Variants in ARL13B observed in about 807,000 individuals in gnomAD.
ARL13B encodes the protein ARF like GTPase 13B.
Under a neutral mutation model 56.1 loss-of-function variants are expected in ARL13B, and 36 were observed. The observed-to-expected ratio is 0.64, with a 90% CI of 0.49 to 0.85. The LOEUF is 0.85. Among genes scored for constraint, ARL13B ranks in the 40% least tolerant of loss-of-function variants. The pLI is 0.00. For synonymous variants in ARL13B, 178 were observed against 171.1 expected, an observed-to-expected ratio of 1.04 and a Z score of -0.32; for missense variants, 519 against 507.1, an observed-to-expected ratio of 1.02 and a Z score of -0.23.
chr3:94,024,981 G>T (rs1322336801), intron 3 of ARL13B, among the ~76,000 whole-genome samples: 1 of 152,068 alleles, frequency 6.6e-6, no homozygotes, highest in Non-Finnish European at 1.5e-5. Context: ...ATTTCAAATT[G>T]CTATTGGAGC....
chr3:94,005,827 GAT>G (rs2076124536), intron 3 of ARL13B, among the ~76,000 whole-genome samples: 1 of 152,142 alleles, frequency 6.6e-6, no homozygotes, highest in Admixed American at 6.5e-5. Context: ...AAATTTCAAA[GAT>G]AGAGGGAAAG....
intron 6 of ARL13B, among the ~76,000 whole-genome samples, chr3:94,040,542 G>T (rs1413211003): frequency 6.6e-6 from 1 of 152,122 alleles, no homozygotes; most frequent in African/African-American, 2.4e-5. Context: ...GGGGTTGTGT[G>T]TGTGCGCGTC....
intron 1 of ARL13B, among the ~76,000 whole-genome samples, chr3:93,990,875 T>G (rs1007587241): frequency 4.6e-5 from 7 of 152,312 alleles, no homozygotes; most frequent in African/African-American, 1.7e-4. Flanking sequence ...TTGACTAACT[T>G]CTCACTTTAA....
At chr3:94,052,056 TTTA>T (rs954980231) in intron 9 of ARL13B, among the ~76,000 whole-genome samples, 25 of 152,098 alleles carry the variant, frequency 1.6e-4, no homozygotes, top group African/African-American at 6.0e-4. Flanking sequence ...CTACAGTAGA[TTTA>T]TTTCTTTATT....
chr3:93,997,063 T>G (rs1210956621), intron 2 of ARL13B, among the ~76,000 whole-genome samples: 4 of 151,690 alleles, frequency 2.6e-5, no homozygotes, highest in Admixed American at 2.6e-4. Flanking sequence ...TGTCACTGCC[T>G]CCCATCACCC....
chr3:94,050,785 G>A (rs756855876), intron 8 of ARL13B, 39 bp from the exon 9 acceptor site: 3 of 1,574,024 alleles, frequency 1.9e-6, no homozygotes, highest in Non-Finnish European at 8.7e-7. Flanking sequence ...AAGAAACCTT[G>A]TTTAACAGTG....
At chr3:94,006,098 G>A (rs973348729) in intron 3 of ARL13B, among the ~76,000 whole-genome samples, 2 of 151,956 alleles carry the variant, frequency 1.3e-5, no homozygotes, top group African/African-American at 4.8e-5. Context: ...CAGGAGGATC[G>A]AGACCATCCT....
At chr3:94,042,863 T>G in intron 6 of ARL13B, 152 bp from the exon 7 acceptor site, 1 of 645,658 alleles carries the variant, frequency 1.5e-6, no homozygotes, top group Non-Finnish European at 2.6e-6. Context: ...TAGCATCTTT[T>G]AATGATGTAT....
chr3:94,050,907 T>C lies in ARL13B; in HGVS notation c.1210+15T>C, dbSNP rs2077056416. The C allele has an allele frequency of 1.2e-6, 2 of 1,611,158 alleles. No homozygotes were observed. Among genetic ancestry groups the C allele is most frequent in the Non-Finnish European group, 8.5e-7 (1 of 1,178,090 alleles). On this transcript the variant is annotated intron_variant, in intron 9 of 9. Coordinates refer to ENST00000394222, the MANE Select transcript of ARL13B (RefSeq NM_001174150.2). Reference sequence around the variant, plus strand: ...ACATCATAATGGTAATGCAAAAGGATTGGTTTTCAGATATCATCTGTACAT... The same window carrying C: ...ACATCATAATGGTAATGCAAAAGGACTGGTTTTCAGATATCATCTGTACAT...
intron 3 of ARL13B, among the ~76,000 whole-genome samples, chr3:94,025,159 C>A (rs1258853297): frequency 6.6e-6 from 1 of 151,234 alleles, no homozygotes; most frequent in South Asian, 2.1e-4. Flanking sequence ...TGAACATGCA[C>A]CACACTTTTA....
chr3:94,000,393 A>G (rs1428521423), intron 2 of ARL13B, among the ~76,000 whole-genome samples: 3 of 150,948 alleles, frequency 2.0e-5, no homozygotes, highest in African/African-American at 7.4e-5. Context: ...AGCCTAGGTA[A>G]AAAAAAATCT....
intron 1 of ARL13B, among the ~76,000 whole-genome samples, chr3:93,983,945 T>C (rs1469310775): frequency 6.6e-6 from 1 of 152,238 alleles, no homozygotes; most frequent in African/African-American, 2.4e-5. Context: ...TAATTACTAA[T>C]AGCCTCCTGT....
chr3:94,046,116 G>A (rs904475867), intron 7 of ARL13B, among the ~76,000 whole-genome samples: 4 of 151,712 alleles, frequency 2.6e-5, no homozygotes, highest in Admixed American at 6.6e-5. Context: ...GTTTCATTGA[G>A]GTATAATTGA....
At chr3:94,016,199 T>C (rs1390564818) in intron 3 of ARL13B, among the ~76,000 whole-genome samples, 1 of 152,098 alleles carries the variant, frequency 6.6e-6, no homozygotes, top group Non-Finnish European at 1.5e-5. Flanking sequence ...AGCAACTTGA[T>C]TTTAGAAATG....
intron 3 of ARL13B, among the ~76,000 whole-genome samples, chr3:94,008,390 G>A (rs1023981586): frequency 2.6e-5 from 4 of 152,078 alleles, no homozygotes; most frequent in African/African-American, 9.7e-5. Context: ...AAACTAGGTA[G>A]TCTTGACAAA....
At chr3:94,002,135 A>C (rs183488385) in intron 2 of ARL13B, among the ~76,000 whole-genome samples, 1 of 152,216 alleles carries the variant, frequency 6.6e-6, no homozygotes, top group African/African-American at 2.4e-5. Context: ...GTTTTGCTAA[A>C]TGTGGAAATA....
At chr3:94,012,724 T>C (rs2076246597) in intron 3 of ARL13B, among the ~76,000 whole-genome samples, 1 of 152,162 alleles carries the variant, frequency 6.6e-6, no homozygotes, top group Non-Finnish European at 1.5e-5. Context: ...TTGATATTAC[T>C]GTTGTTGCTG....
At chr3:94,016,555 A>G (rs2076336714) in intron 3 of ARL13B, among the ~76,000 whole-genome samples, 1 of 152,222 alleles carries the variant, frequency 6.6e-6, no homozygotes, top group South Asian at 2.1e-4. Flanking sequence ...TCATCTAGCT[A>G]TAAGAAAAAT....
intron 3 of ARL13B, among the ~76,000 whole-genome samples, chr3:94,026,509 A>G (rs1037389542): frequency 2.0e-5 from 3 of 152,194 alleles, no homozygotes; most frequent in East Asian, 1.9e-4. Context: ...TAGTAGTTGC[A>G]TACTCATAAC....
Sources: allele counts gnomAD v4.1 joint callset (sites outside exome capture counted in the v4.1 genomes callset), GRCh38; gene constraint gnomAD v4.1.1; transcripts MANE v1.5; gene names NCBI Gene and HGNC (gene_info 2026-07-23, HGNC 2026-07-21).